The following RHBDL3 variants were observed in gnomAD, a reference collection of about 807,000 sequenced individuals.
The protein encoded by RHBDL3 is rhomboid-related protein 3.
Under a neutral mutation model 48.2 loss-of-function variants are expected in RHBDL3, and 28 were observed. The ratio of observed to expected loss-of-function variants is 0.58; its 90% CI spans 0.43 to 0.80. The LOEUF (loss-of-function observed/expected upper bound fraction) is 0.80, where lower values mean the gene tolerates loss of function less well. Ranked by LOEUF, RHBDL3 falls within the 30% of genes least tolerant of loss-of-function variation. The pLI, the probability that RHBDL3 is intolerant of heterozygous loss-of-function variation, is 0.00. For synonymous variants in RHBDL3, 208 were observed against 232.3 expected (o/e 0.90, Z 0.95); for missense variants, 464 against 542.7 (o/e 0.85, Z 1.44).
chr17:32,274,361 T>C (rs2039845848), intron 2 of RHBDL3, among the ~76,000 whole-genome samples: 1 of 152,198 alleles, frequency 6.6e-6, no homozygotes, highest in Non-Finnish European at 1.5e-5. Flanking sequence ...AACCAGTCCG[T>C]GTGTGGCTTA....
chr17:32,266,132 G>A lies in RHBDL3; in HGVS notation c.-58G>A, dbSNP rs973309696. The stretch of plus-strand genomic sequence containing the variant: ...GCGCGGCCGCCGCGGCGCAAAGTTA[G>A]CCCGGCGCCCCGGGACGAGCCCCGC... On this transcript the variant is annotated 5_prime_UTR_variant, in exon 1 of 9. It removes the in-frame stop codon of an upstream open reading frame in the 5' UTR. Transcript: ENST00000269051. The A allele has an allele frequency of 6.6e-6, 4 of 607,780 alleles. No homozygotes were observed. Among genetic ancestry groups the A allele is most frequent in the Non-Finnish European group, 8.6e-6 (4 of 466,438 alleles). The allele number at this position is 607,780 out of a possible 1,614,324, so 37.6% of individuals were successfully genotyped here.
At chr17:32,276,549 C>G (rs981274795) in intron 2 of RHBDL3, among the ~76,000 whole-genome samples, 2 of 152,142 alleles carry the variant, frequency 1.3e-5, no homozygotes, top group Non-Finnish European at 2.9e-5. Context: ...TAATTCTGCT[C>G]TGCTCAGAAG....
chr17:32,276,462 G>A (rs959358787), intron 2 of RHBDL3, among the ~76,000 whole-genome samples: 1 of 152,114 alleles, frequency 6.6e-6, no homozygotes, highest in African/African-American at 2.4e-5. Flanking sequence ...TCCATGAAAG[G>A]GCCAGAGTTC....
chr17:32,273,846 C>T (rs890852380), intron 2 of RHBDL3, among the ~76,000 whole-genome samples: 1 of 152,192 alleles, frequency 6.6e-6, no homozygotes. Context: ...AGTCATTCTC[C>T]TGCTTCAGGC....
chr17:32,304,217 A>G (rs1449470175), intron 6 of RHBDL3, among the ~76,000 whole-genome samples: 1 of 152,030 alleles, frequency 6.6e-6, no homozygotes, highest in Non-Finnish European at 1.5e-5. Flanking sequence ...TCTCTTCCCC[A>G]TGACTTTTCA....
chr17:32,305,328 C>CT lies in RHBDL3; in HGVS notation c.782-10dup. Reference sequence around the variant, plus strand: ...CCGCACTCCTGAGAATTCTCGCTGTCTTTCTGTACTAGGGTCCTTGGCAGT... The same window carrying CT: ...CCGCACTCCTGAGAATTCTCGCTGTCTTTTCTGTACTAGGGTCCTTGGCAGT... On this transcript the variant is annotated splice_polypyrimidine_tract_variant and intron_variant, in intron 6 of 8. Transcript: ENST00000269051. 6.3e-7 allele frequency: 1 copy of CT among 1,597,894 alleles called. No individual in the cohort carries two copies. The highest frequency in any genetic ancestry group is 8.6e-7 in the Non-Finnish European group (1 of 1,165,242).
At position 32,323,562 on chromosome 17, in the gene RHBDL3, G is replaced by A. The variant is rs1203137316; in HGVS notation, c.*2333G>A. The stretch of plus-strand genomic sequence containing the variant: ...CCACCTCTGTCTGGTATGACCTGGA[G>A]AGGGGGCTTCCTCTCTTAGGGGTGA... On this transcript the variant is annotated 3_prime_UTR_variant, in exon 9 of 9. Coordinates refer to ENST00000269051, the MANE Select transcript of RHBDL3 (RefSeq NM_138328.3). The A allele has an allele frequency of 2.6e-5, 4 of 152,226 alleles. No homozygotes were observed. The highest frequency in any genetic ancestry group is 6.5e-5 in the Admixed American group (1 of 15,272). The allele number at this position is 152,226 out of a possible 1,614,324, so 9.4% of individuals were successfully genotyped here. A position where few individuals can be genotyped will look rare whatever the true frequency, so the allele number is the denominator to read the frequency against.
At chr17:32,312,992 G>C (rs2040881604) in intron 7 of RHBDL3, among the ~76,000 whole-genome samples, 1 of 152,024 alleles carries the variant, frequency 6.6e-6, no homozygotes, top group African/African-American at 2.4e-5. Flanking sequence ...TATAGAGGCA[G>C]GGTTTCGCCA....
At chr17:32,305,302 C>T in intron 6 of RHBDL3, 39 bp from the exon 7 acceptor site, 2 of 1,440,798 alleles carry the variant, frequency 1.4e-6, no homozygotes, top group Admixed American at 1.7e-5. Flanking sequence ...TGAGCCGAGT[C>T]CCGCACTCCT....
At chr17:32,271,994 TACTC>T (rs936348602) in intron 2 of RHBDL3, among the ~76,000 whole-genome samples, 2 of 152,244 alleles carry the variant, frequency 1.3e-5, no homozygotes, top group African/African-American at 4.8e-5. Context: ...GTTCAAGTCT[TACTC>T]ACTTTGTGAT....
At chr17:32,290,124 G>A (rs1597644734) in intron 4 of RHBDL3, among the ~76,000 whole-genome samples, 1 of 152,198 alleles carries the variant, frequency 6.6e-6, no homozygotes, top group African/African-American at 2.4e-5. Context: ...CATGGTATTA[G>A]GTGGACAGAA....
chr17:32,276,962 A>G (rs1417746338), intron 2 of RHBDL3, among the ~76,000 whole-genome samples: 1 of 148,988 alleles, frequency 6.7e-6, no homozygotes, highest in Non-Finnish European at 1.5e-5. Context: ...CTCCAGCCCT[A>G]GCACAGTACT....
At chr17:32,316,094 T>C in intron 7 of RHBDL3, 138 bp from the exon 8 acceptor site, 1 of 679,420 alleles carries the variant, frequency 1.5e-6, no homozygotes, top group Non-Finnish European at 2.7e-6. Context: ...CCATGTGGTG[T>C]GTTCTGCTAC....
intron 7 of RHBDL3, among the ~76,000 whole-genome samples, chr17:32,306,652 G>C (rs2344972): frequency 0.5 from 76,313 of 152,088 alleles, 19,838 homozygotes; most frequent in Non-Finnish European, 0.56. Context: ...GGGCACAGTG[G>C]CTCAGGACTG....
At chr17:32,290,845 C>T (rs929665352) in intron 4 of RHBDL3, among the ~76,000 whole-genome samples, 3 of 151,430 alleles carry the variant, frequency 2.0e-5, no homozygotes. Context: ...TACAAAATAT[C>T]AAAAAATTAG....
chr17:32,301,068 G>A (rs1365962930), intron 6 of RHBDL3, among the ~76,000 whole-genome samples: 1 of 151,990 alleles, frequency 6.6e-6, no homozygotes, highest in Admixed American at 6.5e-5. Flanking sequence ...TTTTAGTAGA[G>A]ACGGGGTTTC....
chr17:32,267,438 G>A (rs979339709), intron 1 of RHBDL3, among the ~76,000 whole-genome samples: 4 of 142,004 alleles, frequency 2.8e-5, no homozygotes, highest in Non-Finnish European at 6.1e-5. Context: ...CCTGGGGGGG[G>A]AGGGGGGGGC....
chr17:32,280,149 G>C (rs2040008912), intron 2 of RHBDL3, among the ~76,000 whole-genome samples: 2 of 152,174 alleles, frequency 1.3e-5, no homozygotes, highest in Non-Finnish European at 2.9e-5. Flanking sequence ...AAGGCACTGA[G>C]CCCTATTCAG....
At chr17:32,284,525 T>C (rs62064219) in intron 2 of RHBDL3, 134 bp from the exon 3 acceptor site, 156,205 of 781,976 alleles carry the variant, frequency 0.2, 16,753 homozygotes, top group African/African-American at 0.27. Context: ...TCCTTGGAAA[T>C]CTCCCAGACA....
Sources: allele counts gnomAD v4.1 joint callset (sites outside exome capture counted in the v4.1 genomes callset), GRCh38; gene constraint gnomAD v4.1.1; transcripts MANE v1.5; gene names NCBI Gene and HGNC (gene_info 2026-07-23, HGNC 2026-07-21).